ELOF1: variants seen among roughly 807,000 people sequenced by gnomAD.
The protein encoded by ELOF1 is elongation factor 1, also known as transcription elongation factor 1 homolog.
In ELOF1, 4 loss-of-function variants were observed where a neutral mutation model predicts 7.1. The ratio of observed to expected loss-of-function variants is 0.56; its 90% CI spans 0.28 to 1.29. The LOEUF is 1.29. Ranked by LOEUF, ELOF1 falls within the 50% of genes most tolerant of loss-of-function variation. The probability of loss-of-function intolerance (pLI) is 0.10; values close to 1 mark genes in which losing one functional copy is unlikely to be tolerated. For missense variants in ELOF1, 59 were observed against 86.3 expected, an observed-to-expected ratio of 0.68 and a Z score of 1.25; for synonymous variants, 31 against 31.9, an observed-to-expected ratio of 0.97 and a Z score of 0.09.
intron 1 of ELOF1, 128 bp from the exon 2 acceptor site, chr19:11,554,493 GACGAGGC>G: frequency 5.2e-6 from 7 of 1,350,636 alleles, no homozygotes; most frequent in Non-Finnish European, 6.9e-6. Flanking sequence ...GCCCTTGAGG[GACGAGGC>G]CCTCAGTCCT....
In ELOF1 at chr19:11,554,325, C is replaced by T. The variant is rs770472199; in HGVS notation, c.23G>A (p.Arg8Gln). 10 of 1,613,822 alleles carry T rather than the reference C, an allele frequency of 6.2e-6. No homozygotes were observed. In the Admixed American group the frequency reaches 1.0e-4, roughly 16 times the overall value. ...CATCTTCTTCTTGGGAGGCGGCTTT[C>T]GTTTTGACTTTCTGCGCCCCATGTC... is the stretch of plus-strand genomic sequence containing the variant. The change falls in exon 2 of 4, where the codon CGA (arginine) becomes CAA (glutamine). Residue 8 changes from arginine (R) to glutamine (Q), a missense_variant. Arg to Gln is a conservative substitution (Grantham distance 43). Transcript: ENST00000586683.
At chr19:11,554,148 A>T in intron 2 of ELOF1, 67 bp from the exon 3 acceptor site, 1 of 1,614,048 alleles carries the variant, frequency 6.2e-7, no homozygotes, top group Non-Finnish European at 8.5e-7. Context: ...TGACGCCTTC[A>T]CCAAGGGAGG....
chr19:11,553,400 G>T (rs1418943330), intron 3 of ELOF1: 5 of 463,568 alleles, frequency 1.1e-5, no homozygotes, highest in Non-Finnish European at 1.9e-5. Context: ...AGGCTGGGGG[G>T]CCAGGGGCTG....
intron 3 of ELOF1, chr19:11,553,638 T>C: frequency 1.8e-6 from 2 of 1,117,884 alleles, no homozygotes; most frequent in Non-Finnish European, 2.6e-6. Context: ...CACACGGCTG[T>C]GACAGCCCAG....
chr19:11,554,377 G>T lies in ELOF1; in HGVS notation c.-18-12C>A. On this transcript the variant is annotated splice_polypyrimidine_tract_variant and intron_variant, in intron 1 of 3. Coordinates refer to ENST00000586683, the Ensembl canonical transcript of ELOF1. Reference sequence around the variant, plus strand: ...GCAGGTGGATGAGCCTGTGGGGAGTGGCAGATGTCAGTGGTTTGAGGAAAC... The same window carrying T: ...GCAGGTGGATGAGCCTGTGGGGAGTTGCAGATGTCAGTGGTTTGAGGAAAC... 1 of 1,610,586 alleles carries T rather than the reference G, an allele frequency of 6.2e-7. No individual in the cohort carries two copies. The highest frequency in any genetic ancestry group is 1.1e-5 in the South Asian group (1 of 90,842).
In ELOF1 at chr19:11,558,201, C is replaced by T. The variant is rs545447925; in HGVS notation, c.-19+990G>A. ...TTGGATTCATCCTCAATGTCTTTTT[C>T]CCTCACACATTCCTTATGCGATCCT... is the stretch of plus-strand genomic sequence containing the variant. On this transcript the variant is annotated intron_variant, in intron 1 of 3. Transcript: ENST00000586683. Among the ~76,000 whole-genome samples the T allele has an allele frequency of 1.3e-3, 202 of 152,216 alleles. 1 individual carries two copies. Among genetic ancestry groups the T allele is most frequent in the African/African-American group, 3.8e-3 (158 of 41,552 alleles).
At position 11,553,744 on chromosome 19, in the gene ELOF1, C is replaced by T. The variant is rs762626719; in HGVS notation, c.187+267G>A. The stretch of plus-strand genomic sequence containing the variant: ...TGCTCAGGGGGCGGGTCCTCTGTGT[C>T]GCTACTGATTGGCCGCCTCGCAGGC... On this transcript the variant is annotated intron_variant, in intron 3 of 3. Coordinates refer to ENST00000586683, the Ensembl canonical transcript of ELOF1. 7 of 1,614,190 alleles carry T rather than the reference C, an allele frequency of 4.3e-6. No individual in the cohort carries two copies. The South Asian group carries it at 4.4e-5, about 10-fold the overall frequency.
chr19:11,554,150 C>A lies in ELOF1; in HGVS notation c.117-69G>T, dbSNP rs1016766084. ...GGCCTGTGGGTGATGACGCCTTCACCAAGGGAGGCAAGGGGCAGGATGGAG... is the reference window on the plus strand; with the variant it reads ...GGCCTGTGGGTGATGACGCCTTCACAAAGGGAGGCAAGGGGCAGGATGGAG... On this transcript the variant is annotated intron_variant, in intron 2 of 3. Transcript: ENST00000586683. 4 of 1,613,898 alleles carry A rather than the reference C, an allele frequency of 2.5e-6. No individual in the cohort carries two copies. The African/African-American group carries it at 5.3e-5, about 22-fold the overall frequency.
chr19:11,553,783 CTG>C (rs1301005856), intron 3 of ELOF1: 1 of 1,614,108 alleles, frequency 6.2e-7, no homozygotes, highest in Non-Finnish European at 8.5e-7. Flanking sequence ...TATCCAATCA[CTG>C]TACACATCCA....
intron 1 of ELOF1, chr19:11,555,208 G>T (rs770322535): frequency 9.8e-6 from 2 of 203,396 alleles, no homozygotes; most frequent in South Asian, 4.6e-5. Context: ...AGTGAGCCGA[G>T]ATCGCACCAT....
intron 2 of ELOF1, 63 bp from the exon 3 acceptor site, chr19:11,554,144 CT>C (rs1972788321): frequency 6.2e-7 from 1 of 1,613,932 alleles, no homozygotes. Context: ...GTGATGACGC[CT>C]TCACCAAGGG....
chr19:11,556,927 T>C (rs1599620755), intron 1 of ELOF1, among the ~76,000 whole-genome samples: 1 of 152,192 alleles, frequency 6.6e-6, no homozygotes, highest in South Asian at 2.1e-4. Flanking sequence ...CCCTTTTCTT[T>C]GAGCAACATC....
At chr19:11,558,844 A>C (rs978375014) in intron 1 of ELOF1, 1 of 152,094 alleles carries the variant, frequency 6.6e-6, no homozygotes, top group Non-Finnish European at 1.5e-5. Context: ...AGGAATGCAG[A>C]GGCCTCAGCC....
chr19:11,557,334 G>A (rs1301538171), intron 1 of ELOF1, among the ~76,000 whole-genome samples: 1 of 152,198 alleles, frequency 6.6e-6, no homozygotes, highest in African/African-American at 2.4e-5. Flanking sequence ...TGTGGCTCAC[G>A]TTTATAATCC....
chr19:11,553,755 G>T (rs1359429859), intron 3 of ELOF1: 1 of 1,614,090 alleles, frequency 6.2e-7, no homozygotes, highest in Non-Finnish European at 8.5e-7. Context: ...GCTACTGATT[G>T]GCCGCCTCGC....
rs976592016 is a variant in ELOF1 at position 11,553,593 on chromosome 19, A to C, written c.187+418T>G. 35 of 409,814 alleles carry C rather than the reference A, an allele frequency of 8.5e-5. No homozygotes were observed. In the African/African-American group the frequency reaches 4.3e-3, roughly 50 times the overall value. 25.4% of individuals were successfully genotyped at this position (409,814 alleles called of 1,614,324 possible). A position where few individuals can be genotyped will look rare whatever the true frequency, so the allele number is the denominator to read the frequency against. On this transcript the variant is annotated intron_variant, in intron 3 of 3. Transcript: ENST00000586683. ...ACACGCACACCCACTACACACACAC[A>C]CACACACACACACACACACACACAC... is the stretch of plus-strand genomic sequence containing the variant.
chr19:11,558,474 C>T (rs1458557774), intron 1 of ELOF1, among the ~76,000 whole-genome samples: 1 of 151,926 alleles, frequency 6.6e-6, no homozygotes, highest in Non-Finnish European at 1.5e-5. Context: ...CACTTTGGGA[C>T]GTCACGCCCG....
At chr19:11,554,330 T>A in exon 2 of ELOF1, 1 of 1,613,968 alleles carries the variant, frequency 6.2e-7, no homozygotes. Context: ...GCTTTCGTTT[T>A]GACTTTCTGC....
intron 1 of ELOF1, chr19:11,554,678 C>A (rs1599619293): frequency 4.9e-6 from 2 of 405,670 alleles, no homozygotes; most frequent in East Asian, 7.6e-5. Context: ...TGGCTCACAC[C>A]TGTGATCCCA....
Sources: gnomAD v4.1 joint callset for allele counts (sites outside exome capture counted in the v4.1 genomes callset) on GRCh38, gnomAD v4.1.1 for gene constraint, MANE v1.5 for transcripts, NCBI Gene and HGNC (gene_info 2026-07-23, HGNC 2026-07-21) for gene names.